The following COL21A1 variants were observed in gnomAD, a reference collection of about 807,000 sequenced individuals.
COL21A1 encodes collagen type XXI alpha 1 chain.
In COL21A1, 149 loss-of-function variants were observed where a neutral mutation model predicts 137.9. The ratio of observed to expected loss-of-function variants is 1.08; its 90% CI spans 0.95 to 1.24. The LOEUF (loss-of-function observed/expected upper bound fraction) is 1.24, where lower values mean the gene tolerates loss of function less well. COL21A1 is among the 50% of genes most tolerant of loss of function. The pLI is 0.00. For missense variants in COL21A1, 1,167 were observed against 1,158.4 expected, an observed-to-expected ratio of 1.01 and a Z score of -0.11; for synonymous variants, 456 against 391.5, an observed-to-expected ratio of 1.16 and a Z score of -1.95.
chr6:56,074,752 T>A (rs1341986084), intron 19 of COL21A1, among the ~76,000 whole-genome samples: 1 of 151,460 alleles, frequency 6.6e-6, no homozygotes, highest in South Asian at 2.1e-4. Context: ...AATGGCCGTA[T>A]CTTTAATCAT....
At chr6:56,081,924 C>T (rs1185841759) in intron 17 of COL21A1, among the ~76,000 whole-genome samples, 1 of 151,790 alleles carries the variant, frequency 6.6e-6, no homozygotes. Flanking sequence ...CAAGTTTCAC[C>T]TTATAGGCTA....
At chr6:56,234,927 C>CT (rs1781806959) in intron 1 of COL21A1, among the ~76,000 whole-genome samples, 3 of 137,992 alleles carry the variant, frequency 2.2e-5, no homozygotes, top group African/African-American at 8.1e-5. Flanking sequence ...AACATCTTCC[C>CT]CTGCTCCAGT....
rs533605525 is a variant in COL21A1, at chr6:56,343,775, T to C, written c.-39+50196A>G. ...GAGCAACATAGCAAGATCCTGTTTG[T>C]ACAAAAAAAATTTAAAAATTAGCCA... On this transcript the variant is annotated intron_variant, in intron 1 of 28. Transcript: ENST00000370819. 4.7e-4 allele frequency among the ~76,000 whole-genome samples: 72 copies of C among 152,164 alleles called. No individual in the cohort carries two copies. In the Middle Eastern group the frequency reaches 0.02, roughly 43 times the overall value.
intron 1 of COL21A1, among the ~76,000 whole-genome samples, chr6:56,236,427 G>A (rs1781902677): frequency 6.6e-6 from 1 of 151,990 alleles, no homozygotes; most frequent in South Asian, 2.1e-4. Context: ...TATGCTATAG[G>A]GAGGGGTTAA....
At chr6:56,062,195 C>A (rs921864572) in intron 24 of COL21A1, among the ~76,000 whole-genome samples, 3 of 152,092 alleles carry the variant, frequency 2.0e-5, no homozygotes, top group Non-Finnish European at 4.4e-5. Flanking sequence ...CTGTCCTGTG[C>A]TTAAACCATT....
chr6:56,303,447 A>G (rs1013164892), intron 1 of COL21A1, among the ~76,000 whole-genome samples: 2 of 152,108 alleles, frequency 1.3e-5, no homozygotes, highest in Non-Finnish European at 2.9e-5. Context: ...GGTCCTTCAC[A>G]TCCCTTGTAA....
intron 1 of COL21A1, among the ~76,000 whole-genome samples, chr6:56,338,108 G>C (rs894849395): frequency 6.6e-6 from 1 of 151,836 alleles, no homozygotes. Context: ...GACTACAGGT[G>C]TGTGCCACCA....
In COL21A1 at chr6:56,225,861, A is replaced by G. The variant is rs147287362; in HGVS notation, c.-39+21526T>C. On this transcript the variant is annotated intron_variant, in intron 1 of 29. Transcript: ENST00000244728. The stretch of plus-strand genomic sequence containing the variant: ...ACCCAAGTGCCTGAGATGTCTTACC[A>G]TTCCTATGTGATGGTCTTCCTGTGG... 3.9e-5 allele frequency: 6 copies of G among 152,164 alleles called. No homozygotes were observed. In the East Asian group the frequency reaches 1.2e-3, roughly 30 times the overall value. The allele number at this position is 152,164 out of a possible 1,614,324, so 9.4% of individuals were successfully genotyped here.
chr6:56,160,784 A>G (rs574288118), intron 9 of COL21A1, among the ~76,000 whole-genome samples: 1 of 152,362 alleles, frequency 6.6e-6, no homozygotes, highest in East Asian at 1.9e-4. Context: ...AAATATAAAT[A>G]AAGTAAGAAA....
intron 1 of COL21A1, among the ~76,000 whole-genome samples, chr6:56,339,471 C>A (rs1213462884): frequency 1.3e-5 from 2 of 152,136 alleles, no homozygotes; most frequent in Non-Finnish European, 2.9e-5. Context: ...TGGTTTTCCA[C>A]CCCTGAAATA....
intron 16 of COL21A1, among the ~76,000 whole-genome samples, chr6:56,101,956 G>A (rs984182736): frequency 6.6e-6 from 1 of 151,988 alleles, no homozygotes; most frequent in African/African-American, 2.4e-5. Context: ...ACTTTCATTA[G>A]GAATGGAGTT....
Position 56,254,052 on chromosome 6 carries a change from A to G in COL21A1, c.-38-71396T>C, listed in dbSNP as rs138096113. Among the ~76,000 whole-genome samples, 454 of 152,326 alleles carry G rather than the reference A, an allele frequency of 3.0e-3. 5 individuals are homozygous for G. The highest frequency in any genetic ancestry group is 0.01 in the African/African-American group (424 of 41,564). On this transcript the variant is annotated intron_variant, in intron 1 of 28. Coordinates refer to the COL21A1 transcript ENST00000370819. The stretch of plus-strand genomic sequence containing the variant: ...TCTATTTTATCATCCTCAATTTCAG[A>G]GTCCCAAATTCTTCTGGCCAAGAGA...
intron 1 of COL21A1, among the ~76,000 whole-genome samples, chr6:56,324,800 A>T (rs923897419): frequency 1.3e-5 from 2 of 152,078 alleles, no homozygotes; most frequent in Non-Finnish European, 2.9e-5. Flanking sequence ...TTTGAAAAAT[A>T]GCACGTGCAG....
chr6:56,318,581 C>G (rs1470649683), intron 1 of COL21A1, among the ~76,000 whole-genome samples: 1 of 152,106 alleles, frequency 6.6e-6, no homozygotes, highest in East Asian at 1.9e-4. Context: ...CCTCTACCCA[C>G]TTATCCTCCA....
chr6:56,208,384 GAC>G (rs149891512), intron 1 of COL21A1, among the ~76,000 whole-genome samples: 3,322 of 152,134 alleles, frequency 0.022, 121 homozygotes, highest in African/African-American at 0.076. Context: ...ACAAATAATA[GAC>G]AAACAGAGAG....
Position 56,065,903 on chromosome 6 carries a change from C to T in COL21A1, c.2128-1281G>A, listed in dbSNP as rs544673952. Among the ~76,000 whole-genome samples, 9 of 151,896 alleles carry T rather than the reference C, an allele frequency of 5.9e-5. No individual in the cohort carries two copies. In the South Asian group the frequency reaches 1.9e-3, roughly 32 times the overall value. ...AGGAAGTAGACTGGACTCAAGGAGACCAGTTAGGAAGATATTGCAGTAGCC... is the reference window on the plus strand; with the variant it reads ...AGGAAGTAGACTGGACTCAAGGAGATCAGTTAGGAAGATATTGCAGTAGCC... On this transcript the variant is annotated intron_variant, in intron 23 of 29. Transcript: ENST00000244728.
At chr6:56,265,022 A>G (rs1763363353) in intron 1 of COL21A1, among the ~76,000 whole-genome samples, 2 of 152,250 alleles carry the variant, frequency 1.3e-5, no homozygotes, top group Admixed American at 1.3e-4. Context: ...ACAAGGAGAT[A>G]CCAAGATCTC....
Position 56,378,283 on chromosome 6 carries a change from G to A in COL21A1, c.-39+15688C>T, listed in dbSNP as rs73745650. The stretch of plus-strand genomic sequence containing the variant: ...AACTAAGCAGGCTCTTGGGGTCCCC[G>A]ATCCCAGGACTCAGCTCTTGGATGA... On this transcript the variant is annotated intron_variant, in intron 1 of 28. Coordinates refer to the COL21A1 transcript ENST00000370819. Among the ~76,000 whole-genome samples, 1,110 of 152,234 alleles carry A rather than the reference G, an allele frequency of 7.3e-3. 5 individuals are homozygous for A. Among genetic ancestry groups the A allele is most frequent in the African/African-American group, 0.026 (1,060 of 41,524 alleles).
chr6:56,127,801 G>GT (rs763516993), intron 12 of COL21A1, among the ~76,000 whole-genome samples: 1 of 152,146 alleles, frequency 6.6e-6, no homozygotes, highest in Non-Finnish European at 1.5e-5. Flanking sequence ...GACTGGTGCA[G>GT]TTTTTTCCCA....
Sources: gnomAD v4.1 joint callset for allele counts (sites outside exome capture counted in the v4.1 genomes callset) on GRCh38, gnomAD v4.1.1 for gene constraint, MANE v1.5 for transcripts, NCBI Gene and HGNC (gene_info 2026-07-23, HGNC 2026-07-21) for gene names.